The following ULK4 variants were observed in gnomAD, a reference collection of about 807,000 sequenced individuals.
ULK4 encodes the protein inactive serine/threonine-protein kinase ULK4.
Under a neutral mutation model 160.6 loss-of-function variants are expected in ULK4, and 133 were observed. The observed-to-expected ratio is 0.83, with a 90% CI of 0.72 to 0.96. ULK4 has a LOEUF of 0.96. Among genes scored for constraint, ULK4 ranks in the 40% least tolerant of loss-of-function variants. The pLI is 0.00. For missense variants in ULK4, 1,580 were observed against 1,499.5 expected, an observed-to-expected ratio of 1.05 and a Z score of -0.89; for synonymous variants, 534 against 539.8, an observed-to-expected ratio of 0.99 and a Z score of 0.15.
At chr3:41,346,110 A>C (rs897964803) in intron 35 of ULK4, among the ~76,000 whole-genome samples, 2 of 152,166 alleles carry the variant, frequency 1.3e-5, no homozygotes, top group Non-Finnish European at 2.9e-5. Context: ...TTCGTAAGCC[A>C]CACTCAAGAC....
chr3:41,602,579 A>G (rs2032168032), intron 31 of ULK4, among the ~76,000 whole-genome samples: 1 of 152,176 alleles, frequency 6.6e-6, no homozygotes, highest in South Asian at 2.1e-4. Context: ...TCACTGTACT[A>G]CCTCTGCAAC....
intron 35 of ULK4, among the ~76,000 whole-genome samples, chr3:41,389,274 G>A (rs2125804890): frequency 6.6e-6 from 1 of 152,248 alleles, no homozygotes; most frequent in Admixed American, 6.5e-5. Flanking sequence ...ATTTTGGGCT[G>A]AGACGATGAG....
rs1051013769 is a variant in ULK4, at chr3:41,628,553, T to C, written c.3072-12836A>G. ...AGCATCTTACAAAGTAACTACCTAG[T>C]ACACAAAAACGTATTATGGTTATGA... On this transcript the variant is annotated intron_variant, in intron 30 of 36. Coordinates refer to ENST00000301831, the MANE Select transcript of ULK4 (RefSeq NM_017886.4). 5.9e-5 allele frequency among the ~76,000 whole-genome samples: 9 copies of C among 152,232 alleles called. No homozygotes were observed. In the East Asian group the frequency reaches 1.7e-3, roughly 29 times the overall value.
intron 16 of ULK4, among the ~76,000 whole-genome samples, chr3:41,885,672 A>C (rs1697695179): frequency 6.6e-6 from 1 of 152,154 alleles, no homozygotes; most frequent in Non-Finnish European, 1.5e-5. Flanking sequence ...GTAAGGAACA[A>C]AATATTTTTA....
At chr3:41,571,466 T>C (rs572006606) in intron 31 of ULK4, among the ~76,000 whole-genome samples, 1 of 152,372 alleles carries the variant, frequency 6.6e-6, no homozygotes, top group African/African-American at 2.4e-5. Flanking sequence ...GTTCACAATC[T>C]TATTAGCTTA....
intron 2 of ULK4, among the ~76,000 whole-genome samples, chr3:41,950,544 A>G (rs1158023109): frequency 6.6e-6 from 1 of 151,318 alleles, no homozygotes; most frequent in African/African-American, 2.4e-5. Context: ...CGCCTGGCCC[A>G]CTCCCAGCTA....
chr3:41,784,707 C>T (rs1441625259), intron 21 of ULK4, among the ~76,000 whole-genome samples: 1 of 152,136 alleles, frequency 6.6e-6, no homozygotes, highest in African/African-American at 2.4e-5. Flanking sequence ...GAATAATAAC[C>T]ATCTAAGGAC....
chr3:41,272,497 G>A (rs906793672), intron 35 of ULK4, among the ~76,000 whole-genome samples: 2 of 151,390 alleles, frequency 1.3e-5, no homozygotes, highest in Non-Finnish European at 2.9e-5. Context: ...TCCTCTGCAT[G>A]TAATGCTTCC....
rs184405391 is a variant in ULK4, at chr3:41,553,773, G to A, written c.3226+12252C>T. On this transcript the variant is annotated intron_variant, in intron 32 of 36. Transcript: ENST00000301831. ...TAGGCATGCAATGCATAATAACCAC[G>A]TCAGAGTAAATGGGGCATCCATCCC... Among the ~76,000 whole-genome samples the A allele has an allele frequency of 3.1e-3, 402 of 129,012 alleles. 1 individual carries two copies. Among genetic ancestry groups the A allele is most frequent in the African/African-American group, 9.1e-3 (365 of 40,136 alleles). 84.6% of individuals were successfully genotyped at this position (129,012 alleles called of 152,430 possible).
chr3:41,778,021 T>G, intron 21 of ULK4, among the ~76,000 whole-genome samples: 1 of 128,528 alleles, frequency 7.8e-6, no homozygotes, highest in African/African-American at 3.3e-5. Context: ...GGTATTCAAT[T>G]AGGAAAAGAG....
chr3:41,306,144 GC>G (rs1256765005), intron 35 of ULK4, among the ~76,000 whole-genome samples: 3 of 81,948 alleles, frequency 3.7e-5, no homozygotes, highest in Non-Finnish European at 7.2e-5. Context: ...GGGGGGGTCA[GC>G]CCCCCGCCAG....
At chr3:41,631,833 T>A (rs2033759801) in intron 30 of ULK4, among the ~76,000 whole-genome samples, 1 of 152,152 alleles carries the variant, frequency 6.6e-6, no homozygotes, top group Admixed American at 6.5e-5. Context: ...CCCTGGTTGC[T>A]ATGATGTGGT....
intron 31 of ULK4, among the ~76,000 whole-genome samples, chr3:41,595,330 A>G (rs2031622213): frequency 1.3e-5 from 2 of 152,154 alleles, no homozygotes; most frequent in African/African-American, 4.8e-5. Flanking sequence ...GGCAGAACCC[A>G]ACTAGAAGCC....
At chr3:41,283,945 C>A (rs1315896946) in intron 35 of ULK4, among the ~76,000 whole-genome samples, 2 of 151,494 alleles carry the variant, frequency 1.3e-5, no homozygotes, top group Admixed American at 1.3e-4. Context: ...AGAACTCAAC[C>A]CCTTTTACAA....
intron 32 of ULK4, among the ~76,000 whole-genome samples, chr3:41,541,326 T>C (rs1324854033): frequency 6.6e-6 from 1 of 152,200 alleles, no homozygotes; most frequent in African/African-American, 2.4e-5. Flanking sequence ...TTGTCAAAGA[T>C]CAGATGGTTG....
chr3:41,780,320 A>G (rs1009012206), intron 21 of ULK4, among the ~76,000 whole-genome samples: 1 of 152,028 alleles, frequency 6.6e-6, no homozygotes, highest in Non-Finnish European at 1.5e-5. Flanking sequence ...AAAATTAAAT[A>G]AAGTGCATGA....
At chr3:41,909,990 G>A (rs1359137614) in intron 11 of ULK4, among the ~76,000 whole-genome samples, 3 of 151,920 alleles carry the variant, frequency 2.0e-5, no homozygotes, top group Middle Eastern at 3.2e-3. Context: ...TCCACCACCC[G>A]GGTTCAAGTG....
At chr3:41,470,868 A>C (rs1420931928) in intron 32 of ULK4, among the ~76,000 whole-genome samples, 1 of 152,188 alleles carries the variant, frequency 6.6e-6, no homozygotes, top group East Asian at 1.9e-4. Context: ...GAAAGATTCA[A>C]AGCATATCAC....
rs1208576525 is a variant in ULK4 at position 41,757,077 on chromosome 3, CA to C, written c.2194-2590del. 1.6e-4 allele frequency among the ~76,000 whole-genome samples: 25 copies of C among 152,110 alleles called. No homozygotes were observed. The East Asian group carries it at 4.4e-3, about 27-fold the overall frequency. On this transcript the variant is annotated intron_variant, in intron 21 of 36. Transcript: ENST00000301831. ...CACATAAACTAGAGTATTTGCAGCA[CA>C]TTTTTTTAATAAAGGGTGATTTTCT...
Sources: gnomAD v4.1 joint callset for allele counts (sites outside exome capture counted in the v4.1 genomes callset) on GRCh38, gnomAD v4.1.1 for gene constraint, MANE v1.5 for transcripts, NCBI Gene and HGNC (gene_info 2026-07-23, HGNC 2026-07-21) for gene names.